CLTC: variants seen among roughly 807,000 people sequenced by gnomAD.
The protein encoded by CLTC is clathrin heavy chain.
A neutral mutation model predicts 195.8 loss-of-function variants in CLTC; 16 were observed. The ratio of observed to expected loss-of-function variants is 0.08; its 90% CI spans 0.06 to 0.12. CLTC has a LOEUF of 0.12. Among genes scored for constraint, CLTC ranks in the 10% least tolerant of loss-of-function variants. The probability of loss-of-function intolerance (pLI) is 1.00; values close to 1 mark genes in which losing one functional copy is unlikely to be tolerated. For missense variants in CLTC, 796 were observed against 2,027.0 expected, an observed-to-expected ratio of 0.39 and a Z score of 11.66; for synonymous variants, 667 against 689.4, an observed-to-expected ratio of 0.97 and a Z score of 0.51.
At chr17:59,620,409 C>G (rs1317531148) in intron 1 of CLTC, among the ~76,000 whole-genome samples, 1 of 152,116 alleles carries the variant, frequency 6.6e-6, no homozygotes, top group Admixed American at 6.6e-5. Context: ...GGCCTGGATC[C>G]AAAGGCCTCT....
chr17:59,690,602 G>A, intron 30 of CLTC, 34 bp from the exon 31 acceptor site: 1 of 1,473,478 alleles, frequency 6.8e-7, no homozygotes, highest in East Asian at 2.3e-5. Context: ...TAATACTTTT[G>A]GGGTGCTAAT....
At chr17:59,658,539 T>A (rs911225450) in intron 6 of CLTC, 1 of 152,260 alleles carries the variant, frequency 6.6e-6, no homozygotes, top group Non-Finnish European at 1.5e-5. Flanking sequence ...TACTCTTTGC[T>A]AAAGTCTACC....
chr17:59,620,526 C>G (rs765542462), intron 1 of CLTC, among the ~76,000 whole-genome samples: 3 of 151,242 alleles, frequency 2.0e-5, no homozygotes, highest in Admixed American at 6.6e-5. Flanking sequence ...TCCCTTGTTT[C>G]TACCAGAGCA....
At chr17:59,653,119 C>G (rs191760194) in intron 5 of CLTC, among the ~76,000 whole-genome samples, 3 of 152,200 alleles carry the variant, frequency 2.0e-5, no homozygotes, top group African/African-American at 7.2e-5. Context: ...CTAGATTAGG[C>G]TTTGGCTTAA....
chr17:59,623,755 G>A (rs2143433089), intron 1 of CLTC, among the ~76,000 whole-genome samples: 1 of 152,182 alleles, frequency 6.6e-6, no homozygotes, highest in East Asian at 1.9e-4. Flanking sequence ...TTGAGTTATT[G>A]TCCAGTAGAA....
At chr17:59,662,367 G>C (rs1286684530) in intron 8 of CLTC, among the ~76,000 whole-genome samples, 2 of 152,028 alleles carry the variant, frequency 1.3e-5, no homozygotes, top group Non-Finnish European at 2.9e-5. Flanking sequence ...GTTTTCCTGA[G>C]CACATTATTC....
intron 1 of CLTC, among the ~76,000 whole-genome samples, chr17:59,641,809 G>A (rs967031964): frequency 2.6e-5 from 4 of 151,880 alleles, no homozygotes; most frequent in African/African-American, 7.3e-5. Flanking sequence ...GATTAGGGTT[G>A]CAGGCAGTTC....
At position 59,682,933 on chromosome 17, in the gene CLTC, A is replaced by G. The variant is rs1164560328; in HGVS notation, c.3792A>G (p.Lys1264=). The change falls in exon 24 of 32, where the codon AAA becomes AAG. Residue 1264 remains lysine (K), a synonymous_variant. Transcript: ENST00000269122. The surrounding 1 kb of genome is among the most constrained non-coding windows in gnomAD (Gnocchi z 6.8). The part of the protein sequence containing the change: ...KEVCFACVDG[K]EFRLAQMCGL... ...TCTGCTTCGCCTGTGTAGATGGGAA[A>G]GAATTCCGTCTTGCTCAGATGTGTG... 2 of 1,612,750 alleles carry G rather than the reference A, an allele frequency of 1.2e-6. No individual in the cohort carries two copies. The highest frequency in any genetic ancestry group is 3.3e-5 in the Admixed American group (2 of 59,952).
rs983113821 is a variant in CLTC at position 59,686,895 on chromosome 17, G to A, written c.4827+1087G>A. ...TTTTCACTTCTCTCATACCTTTTTA[G>A]TGGTTAGATGTTTCTTCCCTAAACC... is the stretch of plus-strand genomic sequence containing the variant. On this transcript the variant is annotated intron_variant, in intron 30 of 31. Coordinates refer to ENST00000269122, the MANE Select transcript of CLTC (RefSeq NM_004859.4). 7 of 587,176 alleles carry A rather than the reference G, an allele frequency of 1.2e-5. No homozygotes were observed. The African/African-American group carries it at 1.4e-4, about 12-fold the overall frequency. The allele number at this position is 587,176 out of a possible 1,614,324, so 36.4% of individuals were successfully genotyped here.
intron 14 of CLTC, among the ~76,000 whole-genome samples, 171 bp from the exon 15 acceptor site, chr17:59,673,476 T>G (rs748677665): frequency 6.6e-6 from 1 of 152,066 alleles, no homozygotes; most frequent in Non-Finnish European, 1.5e-5. Context: ...TAGTAAAAAT[T>G]TACTGAAACT....
chr17:59,628,931 G>C (rs2143448880), intron 1 of CLTC, among the ~76,000 whole-genome samples: 1 of 152,140 alleles, frequency 6.6e-6, no homozygotes, highest in Non-Finnish European at 1.5e-5. Flanking sequence ...CAAAGTGCTG[G>C]GATTACAGGC....
At chr17:59,680,446 T>G (rs1022843079) in intron 18 of CLTC, among the ~76,000 whole-genome samples, 2 of 152,168 alleles carry the variant, frequency 1.3e-5, no homozygotes, top group Admixed American at 6.5e-5. Context: ...TGAAGGCTAT[T>G]AATATTTCAT....
Position 59,660,570 on chromosome 17 carries a change from G to A in CLTC, c.1149G>A (p.Val383=). 2 of 1,614,026 alleles carry A rather than the reference G, an allele frequency of 1.2e-6. No individual in the cohort carries two copies. Among genetic ancestry groups the A allele is most frequent in the Non-Finnish European group, 1.7e-6 (2 of 1,179,914 alleles). ...GAAATTACTCGGAGGCAGCAAAGGT[G>A]GCTGCTAATGCACCAAAGGTAAAGA... is the stretch of plus-strand genomic sequence containing the variant. ...AQGNYSEAAK[V]AANAPKGILR... Residue 383 remains valine, a synonymous_variant, in exon 7 of 32, where the codon GTG becomes GTA. Coordinates refer to ENST00000269122, the MANE Select transcript of CLTC (RefSeq NM_004859.4).
At chr17:59,639,451 T>G (rs780770878) in intron 1 of CLTC, among the ~76,000 whole-genome samples, 1 of 152,128 alleles carries the variant, frequency 6.6e-6, no homozygotes, top group Non-Finnish European at 1.5e-5. Context: ...TAAAAAAAAC[T>G]TTATCATAGG....
intron 17 of CLTC, among the ~76,000 whole-genome samples, chr17:59,678,299 T>C (rs541782585): frequency 6.6e-6 from 1 of 152,322 alleles, no homozygotes; most frequent in African/African-American, 2.4e-5. Flanking sequence ...CTTGGAGATA[T>C]TAAACAGTCT....
At chr17:59,663,688 G>C (rs549620814) in intron 8 of CLTC, among the ~76,000 whole-genome samples, 154 bp from the exon 9 acceptor site, 1 of 152,204 alleles carries the variant, frequency 6.6e-6, no homozygotes, top group Non-Finnish European at 1.5e-5. Context: ...ACAAGATTAA[G>C]AGTCTACCAA....
In CLTC at chr17:59,695,622, G is replaced by A. The variant is rs1014749453; in HGVS notation, c.*1770G>A. The A allele has an allele frequency of 6.1e-5, 11 of 181,044 alleles. No homozygotes were observed. Among genetic ancestry groups the A allele is most frequent in the East Asian group, 1.8e-4 (2 of 11,002 alleles). 11.2% of individuals were successfully genotyped at this position (181,044 alleles called of 1,614,324 possible). ...AAAGGTTGTAGTGAGCCAAGATCACGTCACTGCACTCCATCCTGGGTGACA... is the reference window on the plus strand; with the variant it reads ...AAAGGTTGTAGTGAGCCAAGATCACATCACTGCACTCCATCCTGGGTGACA... On this transcript the variant is annotated 3_prime_UTR_variant, in exon 32 of 32. Transcript: ENST00000269122.
chr17:59,692,862 A>G (rs2033339240), intron 31 of CLTC, among the ~76,000 whole-genome samples: 1 of 151,554 alleles, frequency 6.6e-6, no homozygotes, highest in East Asian at 1.9e-4. Flanking sequence ...CTGGTGTCCA[A>G]CTCCTGACCT....
Position 59,647,525 on chromosome 17 carries a change from A to C in CLTC, c.378A>C (p.Ala126=), listed in dbSNP as rs777668900. Residue 126 remains alanine, a synonymous_variant, in exon 3 of 32, where the codon GCA becomes GCC. Transcript: ENST00000269122. ...LNTVALVTDN[A]VYHWSMEGES... Reference sequence around the variant, plus strand: ...CGGTTGCTCTTGTTACGGATAATGCAGTTTATCACTGGAGTATGGAAGGAG... The same window carrying C: ...CGGTTGCTCTTGTTACGGATAATGCCGTTTATCACTGGAGTATGGAAGGAG... 3.1e-6 allele frequency: 5 copies of C among 1,614,178 alleles called. No homozygotes were observed. Among genetic ancestry groups the C allele is most frequent in the Non-Finnish European group, 1.7e-6 (2 of 1,180,018 alleles).
Sources: allele counts gnomAD v4.1 joint callset (sites outside exome capture counted in the v4.1 genomes callset), GRCh38; gene constraint gnomAD v4.1.1; non-coding constraint Gnocchi (gnomAD v3.1); transcripts MANE v1.5; gene names NCBI Gene and HGNC (gene_info 2026-07-23, HGNC 2026-07-21).